Variants in TSPEAR observed in about 807,000 individuals in gnomAD.
The protein encoded by TSPEAR is thrombospondin-type laminin G domain and EAR repeat-containing protein.
A neutral mutation model predicts 71.6 loss-of-function variants in TSPEAR; 69 were observed. The ratio of observed to expected loss-of-function variants is 0.96; its 90% CI spans 0.79 to 1.18. TSPEAR has a LOEUF of 1.18. Among genes scored for constraint, TSPEAR ranks in the 50% most tolerant of loss-of-function variants. The pLI is 0.00. For synonymous variants in TSPEAR, 402 were observed against 387.2 expected, an observed-to-expected ratio of 1.04 and a Z score of -0.45; for missense variants, 971 against 894.9, an observed-to-expected ratio of 1.09 and a Z score of -1.09.
intron 2 of TSPEAR, among the ~76,000 whole-genome samples, chr21:44,538,307 G>A (rs887100359): frequency 2.0e-5 from 3 of 152,130 alleles, no homozygotes; most frequent in Non-Finnish European, 4.4e-5. Context: ...GGCAGCTCAT[G>A]CTCCCCGCGT....
intron 1 of TSPEAR, chr21:44,580,300 G>A (rs1287553358): frequency 6.2e-6 from 10 of 1,610,870 alleles, no homozygotes; most frequent in Non-Finnish European, 8.5e-6. Context: ...CAGGCTTGCA[G>A]CAGACGGGCA....
chr21:44,686,123 A>G (rs1295088996), intron 1 of TSPEAR, among the ~76,000 whole-genome samples: 37 of 152,198 alleles, frequency 2.4e-4, no homozygotes, highest in African/African-American at 7.7e-4. Context: ...CATTTGCAAC[A>G]GGGGGACCTT....
chr21:44,609,305 T>C (rs1981511617), intron 1 of TSPEAR, among the ~76,000 whole-genome samples: 1 of 152,216 alleles, frequency 6.6e-6, no homozygotes, highest in Admixed American at 6.5e-5. Context: ...AGCTAAGCTA[T>C]CAATCAAATG....
At chr21:44,531,159 G>A (rs587665949) in intron 3 of TSPEAR, 26 bp from the exon 4 acceptor site, 2 of 1,592,752 alleles carry the variant, frequency 1.3e-6, no homozygotes, top group South Asian at 1.1e-5. Context: ...GACTGTGTTA[G>A]GGCCATAGGA....
chr21:44,666,777 G>C (rs782806249), intron 1 of TSPEAR: 5 of 1,612,462 alleles, frequency 3.1e-6, no homozygotes, highest in Non-Finnish European at 2.5e-6. Context: ...GCAGCCCACA[G>C]GCACACAGCA....
chr21:44,540,821 C>T lies in TSPEAR; in HGVS notation c.304-6898G>A, dbSNP rs188314480. Among the ~76,000 whole-genome samples, 166 of 152,264 alleles carry T rather than the reference C, an allele frequency of 1.1e-3. 1 individual carries two copies. The highest frequency in any genetic ancestry group is 3.8e-3 in the African/African-American group (156 of 41,538). ...CGGCCTTCCCCGAGGTCCACTCAGA[C>T]GTTGGTGTGGGAACGCTGGGGATAG... On this transcript the variant is annotated intron_variant, in intron 2 of 11. Coordinates refer to ENST00000323084, the MANE Select transcript of TSPEAR (RefSeq NM_144991.3).
chr21:44,674,600 T>C (rs9917521), intron 1 of TSPEAR, among the ~76,000 whole-genome samples: 54,646 of 151,614 alleles, frequency 0.36, 9,798 homozygotes, highest in Admixed American at 0.42. Flanking sequence ...GCCTGTAGTC[T>C]CAGATGCTGA....
chr21:44,672,493 C>T (rs1185594300), intron 1 of TSPEAR, among the ~76,000 whole-genome samples: 1 of 152,144 alleles, frequency 6.6e-6, no homozygotes, highest in Non-Finnish European at 1.5e-5. Flanking sequence ...TGGCGTGAAC[C>T]TGGGAGGCGG....
chr21:44,646,788 C>A lies in TSPEAR; in HGVS notation c.82+64645G>T, dbSNP rs372003177. ...CTGTCTGCTGCAAGACTGTCTGCTG[C>A]AAGCCTGTGTGCTGTGTGCCTGTCT... On this transcript the variant is annotated intron_variant, in intron 1 of 11. Coordinates refer to ENST00000323084, the MANE Select transcript of TSPEAR (RefSeq NM_144991.3). 27 of 1,612,848 alleles carry A rather than the reference C, an allele frequency of 1.7e-5. No individual in the cohort carries two copies. The East Asian group carries it at 5.6e-4, about 33-fold the overall frequency.
At chr21:44,598,303 C>A (rs587729519) in intron 1 of TSPEAR, among the ~76,000 whole-genome samples, 1 of 152,118 alleles carries the variant, frequency 6.6e-6, no homozygotes, top group African/African-American at 2.4e-5. Context: ...TTAAATTGTG[C>A]GGCGCAATCC....
intron 5 of TSPEAR, among the ~76,000 whole-genome samples, chr21:44,529,358 T>C (rs1601369405): frequency 6.6e-6 from 1 of 151,220 alleles, no homozygotes; most frequent in African/African-American, 2.4e-5. Context: ...AAGACGTGAG[T>C]GTAGGGCCAG....
At chr21:44,597,205 A>G (rs1378471660) in intron 1 of TSPEAR, among the ~76,000 whole-genome samples, 1 of 151,988 alleles carries the variant, frequency 6.6e-6, no homozygotes, top group African/African-American at 2.4e-5. Flanking sequence ...TTAATTTTAT[A>G]TTTTAAGCTA....
intron 1 of TSPEAR, chr21:44,573,601 C>A: frequency 1.6e-6 from 2 of 1,260,638 alleles, no homozygotes. Flanking sequence ...GCTGGCTGTA[C>A]ACCCCAACAA....
chr21:44,539,392 G>A (rs2053160415), intron 2 of TSPEAR: 1 of 1,601,896 alleles, frequency 6.2e-7, no homozygotes, highest in Non-Finnish European at 8.5e-7. Context: ...AGGAGGCAGG[G>A]GCACAGCAGG....
chr21:44,521,060 G>A (rs968049743), intron 9 of TSPEAR, among the ~76,000 whole-genome samples: 2 of 152,206 alleles, frequency 1.3e-5, no homozygotes, highest in African/African-American at 4.8e-5. Context: ...TTTCTGCAGG[G>A]GAATGAGTCG....
chr21:44,552,723 G>A (rs2053463160), intron 2 of TSPEAR, among the ~76,000 whole-genome samples: 2 of 152,184 alleles, frequency 1.3e-5, no homozygotes, highest in Admixed American at 1.3e-4. Flanking sequence ...GGCTGGACGT[G>A]GGATAAACTC....
At chr21:44,573,002 G>A (rs782116221) in intron 1 of TSPEAR, among the ~76,000 whole-genome samples, 18 of 152,026 alleles carry the variant, frequency 1.2e-4, no homozygotes, top group Non-Finnish European at 2.1e-4. Context: ...AGTGCCCCTC[G>A]CAGCCTCAGA....
intron 2 of TSPEAR, among the ~76,000 whole-genome samples, chr21:44,549,257 A>G (rs1255234146): frequency 6.6e-6 from 1 of 152,102 alleles, no homozygotes; most frequent in African/African-American, 2.4e-5. Context: ...GGCGTGTAGG[A>G]AAAGCAGAAG....
In TSPEAR at chr21:44,612,542, C is replaced by T; in HGVS notation, c.83-44537G>A. ...TGGAGCTTCCTCCCCATGCTGCCAG[C>T]AGTCTAGCTGCCAGTCAGCTTGCTG... On this transcript the variant is annotated intron_variant, in intron 1 of 11. Transcript: ENST00000323084. The surrounding 1 kb of genome is among the most constrained non-coding windows in gnomAD (Gnocchi z 4.1). The T allele has an allele frequency of 6.2e-7, 1 of 1,613,616 alleles. No homozygotes were observed. Among genetic ancestry groups the T allele is most frequent in the Non-Finnish European group, 8.5e-7 (1 of 1,179,922 alleles).
Sources: gnomAD v4.1 joint callset for allele counts (sites outside exome capture counted in the v4.1 genomes callset) on GRCh38, gnomAD v4.1.1 for gene constraint, Gnocchi (gnomAD v3.1) non-coding constraint, MANE v1.5 for transcripts, NCBI Gene and HGNC (gene_info 2026-07-23, HGNC 2026-07-21) for gene names.